The following ADGRL3 variants were observed in gnomAD, a reference collection of about 807,000 sequenced individuals.
ADGRL3 encodes calcium-independent alpha-latrotoxin receptor 3.
In ADGRL3, 62 loss-of-function variants were observed where a neutral mutation model predicts 153.5. The observed-to-expected ratio is 0.40, with a 90% CI of 0.33 to 0.50. The LOEUF (loss-of-function observed/expected upper bound fraction) is 0.50, where lower values mean the gene tolerates loss of function less well. ADGRL3 is among the 20% of genes least tolerant of loss of function. The pLI is 0.47. For synonymous variants in ADGRL3, 710 were observed against 672.5 expected, an observed-to-expected ratio of 1.06 and a Z score of -0.86; for missense variants, 1,641 against 1,859.4, an observed-to-expected ratio of 0.88 and a Z score of 2.16.
intron 4 of ADGRL3, among the ~76,000 whole-genome samples, chr4:61,558,173 C>CATATGTAT (rs1553963093): frequency 3.1e-5 from 4 of 129,040 alleles, no homozygotes; most frequent in Admixed American, 7.9e-5. Context: ...ATGTAGGAAT[C>CATATGTAT]ATATATATAT....
At chr4:61,417,232 AC>A (rs2097153815) in intron 2 of ADGRL3, among the ~76,000 whole-genome samples, 1 of 152,044 alleles carries the variant, frequency 6.6e-6, no homozygotes, top group East Asian at 1.9e-4. Context: ...GGTGGCTTAC[AC>A]CTGTAATCCC....
rs188128027 is a variant in ADGRL3, at chr4:61,562,412, G to A, written c.260-24815G>A. Among the ~76,000 whole-genome samples the A allele has an allele frequency of 3.3e-5, 5 of 152,220 alleles. No individual in the cohort carries two copies. In the East Asian group the frequency reaches 7.7e-4, roughly 24 times the overall value. On this transcript the variant is annotated intron_variant, in intron 4 of 26. Coordinates refer to ENST00000683033, the MANE Select transcript of ADGRL3 (RefSeq NM_001387552.1). Reference sequence around the variant, plus strand: ...CACAATATTTCTTTGTAGTATGCAAGGTTATTTGACAGCATGTGACCCACA... The same window carrying A: ...CACAATATTTCTTTGTAGTATGCAAAGTTATTTGACAGCATGTGACCCACA...
At chr4:61,354,574 C>CTGTG (rs58238791) in intron 1 of ADGRL3, among the ~76,000 whole-genome samples, 33,189 of 148,214 alleles carry the variant, frequency 0.22, 3,716 homozygotes, top group South Asian at 0.36. Flanking sequence ...AAGACTTTGT[C>CTGTG]TGTGTGTGTG....
intron 1 of ADGRL3, among the ~76,000 whole-genome samples, chr4:61,254,325 G>A (rs2091760603): frequency 6.6e-6 from 1 of 151,888 alleles, no homozygotes; most frequent in Admixed American, 6.6e-5. Context: ...AATGAGTTAG[G>A]GATATAGTGT....
intron 11 of ADGRL3, among the ~76,000 whole-genome samples, chr4:61,900,961 T>G (rs1684899538): frequency 6.6e-6 from 1 of 152,186 alleles, no homozygotes; most frequent in Non-Finnish European, 1.5e-5. Context: ...GTCTCTTGCC[T>G]CAGCTTGATC....
At chr4:61,542,784 T>G (rs972497735) in intron 4 of ADGRL3, among the ~76,000 whole-genome samples, 1 of 152,212 alleles carries the variant, frequency 6.6e-6, no homozygotes, top group Non-Finnish European at 1.5e-5. Context: ...GACTGTGCTT[T>G]CTTACCATTC....
rs141859438 is a variant in ADGRL3, at chr4:61,764,297, G to A, written c.1399+30743G>A. Among the ~76,000 whole-genome samples, 1,423 of 152,124 alleles carry A rather than the reference G, an allele frequency of 9.4e-3. 29 individuals are homozygous for A. The highest frequency in any genetic ancestry group is 0.032 in the African/African-American group (1,345 of 41,452). On this transcript the variant is annotated intron_variant, in intron 8 of 26. Coordinates refer to ENST00000683033, the MANE Select transcript of ADGRL3 (RefSeq NM_001387552.1). ...CTGTTTATTTCACCTGGTTGCAGGC[G>A]GGCTGAGTTCGAAAAGAGAGTCAGC...
chr4:61,263,279 G>A (rs1437236539), intron 1 of ADGRL3, among the ~76,000 whole-genome samples: 2 of 151,404 alleles, frequency 1.3e-5, no homozygotes, highest in African/African-American at 2.4e-5. Flanking sequence ...TAGAAATTGA[G>A]TTTTGTGGTT....
intron 8 of ADGRL3, among the ~76,000 whole-genome samples, chr4:61,755,672 T>C (rs2096819271): frequency 6.6e-6 from 1 of 152,226 alleles, no homozygotes; most frequent in South Asian, 2.1e-4. Context: ...GCTTTTGGTG[T>C]TTTAGACATG....
At chr4:61,419,450 A>T (rs1258457723) in intron 2 of ADGRL3, among the ~76,000 whole-genome samples, 1 of 150,926 alleles carries the variant, frequency 6.6e-6, no homozygotes, top group Non-Finnish European at 1.5e-5. Context: ...CACCCTGGAC[A>T]GGATGTCCAT....
At chr4:61,852,573 C>T (rs939841742) in intron 9 of ADGRL3, among the ~76,000 whole-genome samples, 3 of 152,080 alleles carry the variant, frequency 2.0e-5, no homozygotes, top group East Asian at 1.9e-4. Context: ...CCTCGGCCTC[C>T]GAAAGTGTTG....
intron 1 of ADGRL3, among the ~76,000 whole-genome samples, chr4:61,382,231 C>CTAAT (rs2096677764): frequency 6.6e-6 from 1 of 151,342 alleles, no homozygotes; most frequent in Middle Eastern, 3.2e-3. Flanking sequence ...CATACTAACA[C>CTAAT]TAATAGCATA....
chr4:61,832,328 T>C (rs968974526), intron 9 of ADGRL3, among the ~76,000 whole-genome samples: 3 of 152,186 alleles, frequency 2.0e-5, no homozygotes, highest in African/African-American at 7.2e-5. Flanking sequence ...TCCCAGGTAA[T>C]CTCTTGGAGC....
intron 17 of ADGRL3, among the ~76,000 whole-genome samples, chr4:61,958,177 C>A (rs1160095544): frequency 6.6e-6 from 1 of 152,076 alleles, no homozygotes; most frequent in African/African-American, 2.4e-5. Context: ...TAGGGAATGT[C>A]TTTTCTTCTT....
chr4:61,815,586 T>C (rs941354877), intron 9 of ADGRL3, among the ~76,000 whole-genome samples: 1 of 152,218 alleles, frequency 6.6e-6, no homozygotes, highest in Non-Finnish European at 1.5e-5. Flanking sequence ...CTCTGAGGTT[T>C]CTATATTGAT....
chr4:61,221,022 G>A (rs1396021823), intron 1 of ADGRL3, among the ~76,000 whole-genome samples: 1 of 151,962 alleles, frequency 6.6e-6, no homozygotes, highest in African/African-American at 2.4e-5. Flanking sequence ...ATTATTTTTA[G>A]AACTTTAAGA....
intron 13 of ADGRL3, among the ~76,000 whole-genome samples, chr4:61,915,212 G>GA (rs1274697749): frequency 4.0e-5 from 6 of 149,578 alleles, no homozygotes; most frequent in Non-Finnish European, 7.4e-5. Flanking sequence ...AGGTTTTGGG[G>GA]AAAAATTGCT....
rs548819427 is a variant in ADGRL3, at chr4:61,979,646, C to T, written c.2889C>T (p.Cys963=). The change falls in exon 18 of 27, where the codon TGC becomes TGT. Residue 963 remains cysteine, a synonymous_variant. Coordinates refer to ENST00000683033, the MANE Select transcript of ADGRL3 (RefSeq NM_001387552.1). ...ILLSLVCLLI[C]IFTFCFFRGL... is the part of the protein sequence containing the mutation. ...TGTCCCTTGTTTGTCTCCTGATTTG[C>T]ATCTTCACATTTTGCTTTTTCCGGG... 10 of 1,613,866 alleles carry T rather than the reference C, an allele frequency of 6.2e-6. No homozygotes were observed. The South Asian group carries it at 1.1e-4, about 18-fold the overall frequency.
chr4:61,752,067 T>C (rs1035280116), intron 8 of ADGRL3, among the ~76,000 whole-genome samples: 1 of 152,164 alleles, frequency 6.6e-6, no homozygotes, highest in African/African-American at 2.4e-5. Flanking sequence ...GCTTATATAC[T>C]GCTGGTTGGA....
Sources: allele counts gnomAD v4.1 joint callset (sites outside exome capture counted in the v4.1 genomes callset), GRCh38; gene constraint gnomAD v4.1.1; transcripts MANE v1.5; gene names NCBI Gene and HGNC (gene_info 2026-07-23, HGNC 2026-07-21).